CDH13: variants seen among roughly 807,000 people sequenced by gnomAD.
CDH13 encodes cadherin-13.
A neutral mutation model predicts 63.8 loss-of-function variants in CDH13; 24 were observed. The ratio of observed to expected loss-of-function variants is 0.38; its 90% CI spans 0.27 to 0.53. The LOEUF (loss-of-function observed/expected upper bound fraction) is 0.53, where lower values mean the gene tolerates loss of function less well. Among genes scored for constraint, CDH13 ranks in the 20% least tolerant of loss-of-function variants. CDH13 has a pLI of 0.85. For synonymous variants in CDH13, 503 were observed against 355.3 expected, an observed-to-expected ratio of 1.42 and a Z score of -4.67; for missense variants, 1,049 against 903.1, an observed-to-expected ratio of 1.16 and a Z score of -2.07.
chr16:83,065,533 C>T (rs34081209), intron 3 of CDH13, among the ~76,000 whole-genome samples: 2 of 151,874 alleles, frequency 1.3e-5, no homozygotes, highest in African/African-American at 2.4e-5. Flanking sequence ...GCTGAAACCC[C>T]GTCTCTACTA....
intron 5 of CDH13, among the ~76,000 whole-genome samples, chr16:83,250,029 A>G (rs1905340117): frequency 6.6e-6 from 1 of 152,248 alleles, no homozygotes. Context: ...ATGAGAGACA[A>G]CAGATCCTAA....
chr16:83,566,180 C>G (rs1369993718), intron 7 of CDH13, among the ~76,000 whole-genome samples: 1 of 152,122 alleles, frequency 6.6e-6, no homozygotes, highest in Non-Finnish European at 1.5e-5. Flanking sequence ...TGGGGATGTC[C>G]AGGCATTGGA....
intron 7 of CDH13, among the ~76,000 whole-genome samples, chr16:83,576,405 C>A (rs760849990): frequency 6.6e-6 from 1 of 152,174 alleles, no homozygotes; most frequent in Non-Finnish European, 1.5e-5. Context: ...TTTATCCATT[C>A]GTCTGTTTAT....
chr16:82,916,017 A>ACTT (rs1200116726), intron 2 of CDH13, among the ~76,000 whole-genome samples: 2 of 152,072 alleles, frequency 1.3e-5, no homozygotes, highest in African/African-American at 2.4e-5. Context: ...TTTAATTAAT[A>ACTT]CTTTAAAATA....
In CDH13 at chr16:83,777,981, G is replaced by A. The variant is rs558835520; in HGVS notation, c.1682-1987G>A. On this transcript the variant is annotated intron_variant, in intron 11 of 13. Coordinates refer to ENST00000567109, the MANE Select transcript of CDH13 (RefSeq NM_001257.5). ...CATCTTAGCCAAGAGGCCAAGAAAC[G>A]ATTGTACTACTGTATAAAATTATGG... Among the ~76,000 whole-genome samples the A allele has an allele frequency of 1.4e-4, 21 of 152,296 alleles. No homozygotes were observed. The South Asian group carries it at 3.9e-3, about 29-fold the overall frequency.
intron 2 of CDH13, among the ~76,000 whole-genome samples, chr16:82,929,678 A>AAAAAG (rs2042419765): frequency 6.9e-6 from 1 of 145,526 alleles, no homozygotes; most frequent in Non-Finnish European, 1.5e-5. Context: ...AAAAAAAAAA[A>AAAAAG]AAAAAGAAGA....
chr16:83,609,986 G>A (rs1444342474), intron 8 of CDH13, among the ~76,000 whole-genome samples: 1 of 152,174 alleles, frequency 6.6e-6, no homozygotes, highest in Non-Finnish European at 1.5e-5. Context: ...GGTCCTTTGT[G>A]ACTGGCTTCT....
intron 3 of CDH13, among the ~76,000 whole-genome samples, chr16:83,033,587 C>T (rs375028421): frequency 6.6e-6 from 1 of 152,118 alleles, no homozygotes; most frequent in Non-Finnish European, 1.5e-5. Flanking sequence ...GCATATCGTG[C>T]TTCTCGTTTG....
At chr16:82,848,447 G>A (rs2039353530) in intron 1 of CDH13, among the ~76,000 whole-genome samples, 1 of 152,166 alleles carries the variant, frequency 6.6e-6, no homozygotes, top group African/African-American at 2.4e-5. Context: ...CCAACAGTAT[G>A]TGATCACTTT....
chr16:83,227,744 C>T (rs541078059), intron 5 of CDH13, among the ~76,000 whole-genome samples: 4 of 152,282 alleles, frequency 2.6e-5, no homozygotes, highest in East Asian at 3.9e-4. Context: ...AGGGGAGCAT[C>T]TGGGGACCAT....
chr16:83,051,237 G>T (rs2030301397), intron 3 of CDH13, among the ~76,000 whole-genome samples: 1 of 152,050 alleles, frequency 6.6e-6, no homozygotes, highest in African/African-American at 2.4e-5. Context: ...ACAATTCCCT[G>T]TCATTCATGT....
intron 10 of CDH13, among the ~76,000 whole-genome samples, chr16:83,745,432 A>G (rs1267740624): frequency 1.3e-5 from 2 of 152,158 alleles, no homozygotes; most frequent in Admixed American, 1.3e-4. Flanking sequence ...AGCATCTGTC[A>G]ATGCTGACTG....
chr16:82,858,790 A>C, intron 2 of CDH13: 1 of 404,108 alleles, frequency 2.5e-6, no homozygotes, highest in East Asian at 3.6e-5. Context: ...TCCCCTGGGC[A>C]GATCCCCAAA....
chr16:82,705,915 C>A (rs539623506), intron 1 of CDH13, among the ~76,000 whole-genome samples: 38 of 152,276 alleles, frequency 2.5e-4, no homozygotes, highest in African/African-American at 8.9e-4. Context: ...TTATTTAATA[C>A]AATCAGTGGT....
chr16:83,585,536 C>T (rs924187509), intron 7 of CDH13, among the ~76,000 whole-genome samples: 1 of 152,038 alleles, frequency 6.6e-6, no homozygotes, highest in African/African-American at 2.4e-5. Context: ...GCTCGTGACA[C>T]ATTCAGCTGG....
intron 1 of CDH13, among the ~76,000 whole-genome samples, chr16:82,767,208 C>T (rs909782869): frequency 1.3e-5 from 2 of 152,208 alleles, no homozygotes; most frequent in African/African-American, 4.8e-5. Context: ...ATTCTGAGTT[C>T]TAACAAATAC....
At chr16:83,365,969 A>G (rs746347229) in intron 6 of CDH13, among the ~76,000 whole-genome samples, 7 of 152,208 alleles carry the variant, frequency 4.6e-5, no homozygotes, top group African/African-American at 1.7e-4. Flanking sequence ...GCCCCTAAGC[A>G]GGAAACCTAC....
chr16:83,249,668 G>A (rs1179259542), intron 5 of CDH13, among the ~76,000 whole-genome samples: 8 of 152,186 alleles, frequency 5.3e-5, no homozygotes, highest in African/African-American at 1.2e-4. Flanking sequence ...GCAGAAACCT[G>A]GCTGGGGGTA....
At chr16:83,015,944 A>G (rs989791631) in intron 2 of CDH13, among the ~76,000 whole-genome samples, 3 of 151,908 alleles carry the variant, frequency 2.0e-5, no homozygotes, top group Non-Finnish European at 4.4e-5. Context: ...GGTGGAAAGC[A>G]GCACAAAAGC....
Sources: allele counts gnomAD v4.1 joint callset (sites outside exome capture counted in the v4.1 genomes callset), GRCh38; gene constraint gnomAD v4.1.1; transcripts MANE v1.5; gene names NCBI Gene and HGNC (gene_info 2026-07-23, HGNC 2026-07-21).